The following PALM2AKAP2 variants were observed in gnomAD, a reference collection of about 807,000 sequenced individuals.
PALM2AKAP2 encodes PALM2-AKAP2 fusion protein.
PALM2AKAP2 carries 37 observed loss-of-function variants against 71.5 expected under a neutral mutation model. The observed-to-expected ratio is 0.52, with a 90% CI of 0.40 to 0.68. The LOEUF (loss-of-function observed/expected upper bound fraction) is 0.68. Among genes scored for constraint, PALM2AKAP2 ranks in the 30% least tolerant of loss-of-function variants. PALM2AKAP2 has a pLI of 0.00. For synonymous variants in PALM2AKAP2, 468 were observed against 478.8 expected (o/e 0.98, Z 0.29); for missense variants, 1,224 against 1,191.8 (o/e 1.03, Z -0.40).
At chr9:110,069,799 T>A (rs930519229) in intron 1 of PALM2AKAP2, among the ~76,000 whole-genome samples, 3 of 152,232 alleles carry the variant, frequency 2.0e-5, no homozygotes, top group Admixed American at 6.5e-5. Flanking sequence ...TGAGTCCCCG[T>A]GGTCAGTCAC....
chr9:110,033,132 T>A (rs1417283936), intron 7 of PALM2AKAP2, among the ~76,000 whole-genome samples: 1 of 152,176 alleles, frequency 6.6e-6, no homozygotes, highest in African/African-American at 2.4e-5. Flanking sequence ...ATTTTTAGTG[T>A]GTTTGAGTTG....
rs73657310 is a variant in PALM2AKAP2 at position 109,930,868 on chromosome 9, C to T, written c.395-1059C>T. 3.9e-3 allele frequency among the ~76,000 whole-genome samples: 599 copies of T among 152,104 alleles called. 3 individuals are homozygous for T. The highest frequency in any genetic ancestry group is 0.012 in the African/African-American group (484 of 41,464). The stretch of plus-strand genomic sequence containing the variant: ...AGGATCCCAGGTGAACTGCAGTGCT[C>T]GTGAGCCAAGATAGAGGACAGGAGA... On this transcript the variant is annotated intron_variant, in intron 5 of 9. Coordinates refer to the PALM2AKAP2 transcript ENST00000302798.
intron 1 of PALM2AKAP2, among the ~76,000 whole-genome samples, chr9:109,714,883 A>G (rs1267170191): frequency 1.3e-5 from 2 of 152,216 alleles, no homozygotes; most frequent in Admixed American, 1.3e-4. Flanking sequence ...CAGAAGGGTC[A>G]GCTGAGCATG....
exon 4 of PALM2AKAP2, chr9:110,168,726 T>TTTCTA (rs1836794373): frequency 2.3e-5 from 11 of 488,662 alleles, no homozygotes; most frequent in Non-Finnish European, 3.6e-5. Context: ...TTTTGGTGAC[T>TTTCTA]CAATCCCAGT....
At chr9:109,871,133 T>C (rs1319220524) in intron 2 of PALM2AKAP2, among the ~76,000 whole-genome samples, 12 of 152,188 alleles carry the variant, frequency 7.9e-5, no homozygotes, top group Admixed American at 7.2e-4. Context: ...AGCAAATAAA[T>C]AGAATGCAAG....
At chr9:109,716,779 G>A (rs554799035) in intron 1 of PALM2AKAP2, among the ~76,000 whole-genome samples, 7 of 152,286 alleles carry the variant, frequency 4.6e-5, no homozygotes, top group Admixed American at 3.3e-4. Context: ...TGTGAAAGTC[G>A]GAGGTTGAGA....
At chr9:109,954,031 C>T (rs2132089879) in intron 6 of PALM2AKAP2, among the ~76,000 whole-genome samples, 1 of 152,202 alleles carries the variant, frequency 6.6e-6, no homozygotes, top group South Asian at 2.1e-4. Flanking sequence ...ATCTCTGCAG[C>T]GCTTCCTTAC....
At chr9:109,976,018 A>G (rs12683699) in intron 6 of PALM2AKAP2, among the ~76,000 whole-genome samples, 19,388 of 152,270 alleles carry the variant, frequency 0.13, 1,626 homozygotes, top group East Asian at 0.25. Flanking sequence ...TGTGTTTATA[A>G]ATAAAGATTT....
intron 1 of PALM2AKAP2, among the ~76,000 whole-genome samples, chr9:109,732,906 T>G (rs1828577782): frequency 1.3e-5 from 2 of 152,046 alleles, no homozygotes; most frequent in Non-Finnish European, 2.9e-5. Flanking sequence ...GACCCTGCAG[T>G]GGGCATGGGG....
chr9:109,849,148 A>G (rs920236460), intron 1 of PALM2AKAP2, among the ~76,000 whole-genome samples: 25 of 152,126 alleles, frequency 1.6e-4, no homozygotes, highest in Admixed American at 1.6e-3. Flanking sequence ...TTCACAAAGT[A>G]TGTTATTTCC....
intron 1 of PALM2AKAP2, among the ~76,000 whole-genome samples, chr9:110,111,696 GTTTATTTTTATT>G (rs56380577): frequency 0.46 from 70,309 of 151,284 alleles, 16,953 homozygotes; most frequent in East Asian, 0.76. Flanking sequence ...AGGGCTACAT[GTTTATTTTTATT>G]TTTATTTTTA....
At chr9:109,756,318 A>G (rs1387996520) in intron 1 of PALM2AKAP2, among the ~76,000 whole-genome samples, 2 of 152,132 alleles carry the variant, frequency 1.3e-5, no homozygotes, top group East Asian at 3.8e-4. Flanking sequence ...TGTTTGCCAT[A>G]GGTATTTATT....
At chr9:109,745,590 T>A (rs183771592) in intron 1 of PALM2AKAP2, among the ~76,000 whole-genome samples, 28 of 152,228 alleles carry the variant, frequency 1.8e-4, no homozygotes, top group African/African-American at 6.5e-4. Flanking sequence ...TGTTTTAGGT[T>A]ATTCAAAATG....
chr9:109,970,342 G>A (rs1427622883), intron 6 of PALM2AKAP2, among the ~76,000 whole-genome samples: 1 of 152,102 alleles, frequency 6.6e-6, no homozygotes, highest in East Asian at 1.9e-4. Context: ...CTTGGTCACC[G>A]ATCAGTAACC....
At chr9:110,109,639 T>C (rs1279294006) in intron 1 of PALM2AKAP2, among the ~76,000 whole-genome samples, 6 of 152,024 alleles carry the variant, frequency 3.9e-5, no homozygotes, top group Non-Finnish European at 8.8e-5. Flanking sequence ...TCTGCCGCGG[T>C]ATGGGCAGTC....
intron 3 of PALM2AKAP2, among the ~76,000 whole-genome samples, chr9:109,883,215 G>A (rs1450838963): frequency 6.6e-6 from 1 of 152,170 alleles, no homozygotes; most frequent in Non-Finnish European, 1.5e-5. Context: ...AGTTGTTAAA[G>A]TTCTTTTTAT....
intron 6 of PALM2AKAP2, among the ~76,000 whole-genome samples, chr9:109,999,628 G>A (rs914585243): frequency 1.3e-5 from 2 of 152,238 alleles, no homozygotes; most frequent in Non-Finnish European, 2.9e-5. Flanking sequence ...ACACTTGGAT[G>A]AGACTAACTG....
rs547359799 is a variant in PALM2AKAP2, at chr9:109,840,047, G to A, written c.46-27444G>A. ...TTCATATGGAACCAAAAAAGAGCCCGCATTGCCAAGTCAATCTTAAGCCAA... is the reference window on the plus strand; with the variant it reads ...TTCATATGGAACCAAAAAAGAGCCCACATTGCCAAGTCAATCTTAAGCCAA... On this transcript the variant is annotated intron_variant, in intron 1 of 9. Coordinates refer to the PALM2AKAP2 transcript ENST00000302798. Among the ~76,000 whole-genome samples the A allele has an allele frequency of 3.9e-5, 6 of 152,242 alleles. No individual in the cohort carries two copies. In the East Asian group the frequency reaches 5.8e-4, roughly 15 times the overall value.
chr9:109,839,198 G>A, intron 1 of PALM2AKAP2, among the ~76,000 whole-genome samples: 1 of 152,126 alleles, frequency 6.6e-6, no homozygotes, highest in Middle Eastern at 3.2e-3. Context: ...TGATCAAGTG[G>A]GCTTCATCCC....
Sources: gnomAD v4.1 joint callset for allele counts (sites outside exome capture counted in the v4.1 genomes callset) on GRCh38, gnomAD v4.1.1 for gene constraint, MANE v1.5 for transcripts, NCBI Gene and HGNC (gene_info 2026-07-23, HGNC 2026-07-21) for gene names.